Variants in RABGEF1 observed in about 807,000 individuals in gnomAD.
RABGEF1 encodes RAB guanine nucleotide exchange factor 1.
A neutral mutation model predicts 57.3 loss-of-function variants in RABGEF1; 26 were observed. The observed-to-expected ratio is 0.45, with a 90% CI of 0.33 to 0.63. The LOEUF is 0.63. Among genes scored for constraint, RABGEF1 ranks in the 20% least tolerant of loss-of-function variants. The probability of loss-of-function intolerance (pLI) is 0.02; values close to 1 mark genes in which losing one functional copy is unlikely to be tolerated. For synonymous variants in RABGEF1, 185 were observed against 210.7 expected (o/e 0.88, Z 1.06); for missense variants, 464 against 607.6 (o/e 0.76, Z 2.48).
At chr7:66,778,378 T>C (rs1359034089) in intron 3 of RABGEF1, among the ~76,000 whole-genome samples, 4 of 152,220 alleles carry the variant, frequency 2.6e-5, no homozygotes, top group Non-Finnish European at 5.9e-5. Context: ...AAATGGAATG[T>C]CTTGACTGTA....
At chr7:66,779,356 T>C (rs112513013) in intron 3 of RABGEF1, among the ~76,000 whole-genome samples, 2 of 151,704 alleles carry the variant, frequency 1.3e-5, no homozygotes, top group African/African-American at 4.8e-5. Context: ...ATACAAAAAT[T>C]AGCTGGGGGT....
At chr7:66,682,995 G>A (rs1488769452) in intron 1 of RABGEF1, among the ~76,000 whole-genome samples, 1 of 152,174 alleles carries the variant, frequency 6.6e-6, no homozygotes, top group Non-Finnish European at 1.5e-5. Context: ...CTTGTGGTTG[G>A]GAAATGTGTC....
At chr7:66,779,199 T>C (rs1486928717) in intron 3 of RABGEF1, among the ~76,000 whole-genome samples, 1 of 151,942 alleles carries the variant, frequency 6.6e-6, no homozygotes, top group Non-Finnish European at 1.5e-5. Context: ...ATCCGTGTGT[T>C]AATTTAGTAA....
intron 4 of RABGEF1, among the ~76,000 whole-genome samples, chr7:66,793,530 G>T (rs183568932): frequency 8.6e-4 from 131 of 152,296 alleles, no homozygotes; most frequent in Admixed American, 2.7e-3. Flanking sequence ...ATAATCACAA[G>T]AATGAATATA....
At chr7:66,765,778 A>C (rs1348231932) in intron 1 of RABGEF1, among the ~76,000 whole-genome samples, 1 of 152,174 alleles carries the variant, frequency 6.6e-6, no homozygotes, top group East Asian at 1.9e-4. Context: ...GGAGGCAATC[A>C]GCTGTGATCC....
intron 1 of RABGEF1, among the ~76,000 whole-genome samples, chr7:66,698,650 C>T (rs1195162529): frequency 1.3e-5 from 2 of 152,124 alleles, no homozygotes; most frequent in South Asian, 2.1e-4. Context: ...TGCAAGGCTG[C>T]GGTGATCCCC....
chr7:66,790,863 T>C (rs1812485046), intron 4 of RABGEF1, among the ~76,000 whole-genome samples: 1 of 152,252 alleles, frequency 6.6e-6, no homozygotes, highest in South Asian at 2.1e-4. Flanking sequence ...ACAGGTCTTC[T>C]AGAGTTCATG....
intron 7 of RABGEF1, among the ~76,000 whole-genome samples, chr7:66,799,726 T>A (rs1786843688): frequency 1.3e-5 from 2 of 152,196 alleles, no homozygotes. Context: ...TTCAGCTGAC[T>A]GTTCCATGAT....
intron 2 of RABGEF1, among the ~76,000 whole-genome samples, chr7:66,712,672 A>G (rs189786784): frequency 5.3e-4 from 80 of 152,074 alleles, no homozygotes; most frequent in Non-Finnish European, 8.5e-4. Context: ...GGGTTTCACC[A>G]TGTTACCCAG....
chr7:66,779,993 T>G (rs951112433), intron 3 of RABGEF1, among the ~76,000 whole-genome samples: 1 of 152,210 alleles, frequency 6.6e-6, no homozygotes, highest in Non-Finnish European at 1.5e-5. Context: ...TAGTAACTTG[T>G]ATGATCATAA....
At chr7:66,773,688 C>G (rs775228767) in intron 2 of RABGEF1, 4 of 453,938 alleles carry the variant, frequency 8.8e-6, no homozygotes, top group South Asian at 1.6e-5. Context: ...GTTTTTGAGA[C>G]AGGGTCTTGC....
chr7:66,801,641 C>T (rs1056277417), intron 7 of RABGEF1, among the ~76,000 whole-genome samples: 3 of 152,204 alleles, frequency 2.0e-5, no homozygotes, highest in Non-Finnish European at 4.4e-5. Flanking sequence ...TGATGGTTAT[C>T]TTTCTGTGCC....
chr7:66,733,099 C>A (rs149782006), intron 2 of RABGEF1, among the ~76,000 whole-genome samples: 8 of 152,304 alleles, frequency 5.3e-5, no homozygotes, highest in Admixed American at 3.3e-4. Flanking sequence ...CATTGGTGCT[C>A]TCTGGTTCCC....
intron 1 of RABGEF1, among the ~76,000 whole-genome samples, chr7:66,754,972 C>G (rs549729748): frequency 6.6e-6 from 1 of 151,788 alleles, no homozygotes; most frequent in Non-Finnish European, 1.5e-5. Context: ...GCCAGGAGTT[C>G]GAGACCAGCC....
At chr7:66,792,682 T>C (rs1252594178) in intron 4 of RABGEF1, among the ~76,000 whole-genome samples, 2 of 152,222 alleles carry the variant, frequency 1.3e-5, no homozygotes, top group South Asian at 2.1e-4. Context: ...GTCATTGCCT[T>C]TGCTCACAGA....
chr7:66,686,842 G>A (rs545523427), intron 1 of RABGEF1, among the ~76,000 whole-genome samples: 1 of 149,444 alleles, frequency 6.7e-6, no homozygotes, highest in Admixed American at 6.7e-5. Context: ...TTTTTTTTGA[G>A]ATGGAGTCTT....
intron 1 of RABGEF1, among the ~76,000 whole-genome samples, chr7:66,753,018 A>G (rs1801790935): frequency 6.6e-6 from 1 of 152,206 alleles, no homozygotes; most frequent in African/African-American, 2.4e-5. Context: ...CATGGGGTGG[A>G]CATGTAAGCA....
chr7:66,684,467 A>G (rs1790287186), intron 1 of RABGEF1, among the ~76,000 whole-genome samples: 1 of 151,842 alleles, frequency 6.6e-6, no homozygotes, highest in Non-Finnish European at 1.5e-5. Context: ...AAAACAAAAC[A>G]AAAACAAGAA....
chr7:66,660,306 C>T, the RABGEF1 span, among the ~76,000 whole-genome samples: 1 of 151,272 alleles, frequency 6.6e-6, no homozygotes, highest in Non-Finnish European at 1.5e-5. Flanking sequence ...CAAGATTGTG[C>T]CACTACACTC....
Sources: gnomAD v4.1 joint callset for allele counts (sites outside exome capture counted in the v4.1 genomes callset) on GRCh38, gnomAD v4.1.1 for gene constraint, MANE v1.5 for transcripts, NCBI Gene and HGNC (gene_info 2026-07-23, HGNC 2026-07-21) for gene names.